Variants in TRMT61A observed in about 807,000 individuals in gnomAD.
TRMT61A encodes tRNA (adenine(58)-N(1))-methyltransferase catalytic subunit TRMT61A.
In TRMT61A, 15 loss-of-function variants were observed where a neutral mutation model predicts 21.3. The observed-to-expected ratio is 0.70, with a 90% confidence interval of 0.47 to 1.08. The LOEUF (loss-of-function observed/expected upper bound fraction) is 1.08, where lower values mean the gene tolerates loss of function less well. Among genes scored for constraint, TRMT61A ranks in the 50% least tolerant of loss-of-function variants. TRMT61A has a pLI of 0.00. For missense variants in TRMT61A, 352 were observed against 426.7 expected (o/e 0.83, Z 1.54); for synonymous variants, 183 against 185.5 (o/e 0.99, Z 0.11).
chr14:103,529,859 G>T, intron 1 of TRMT61A, 91 bp from the exon 2 acceptor site: 1 of 961,384 alleles, frequency 1.0e-6, no homozygotes, highest in Non-Finnish European at 1.5e-6. Context: ...CATGCCCACT[G>T]CTGGGATGTA....
rs2142242654 is a variant in TRMT61A at position 103,535,991 on chromosome 14, A to T, written c.*1170A>T. 1 of 153,036 alleles carries T rather than the reference A, an allele frequency of 6.5e-6. No homozygotes were observed. Among genetic ancestry groups the T allele is most frequent in the African/African-American group, 2.4e-5 (1 of 41,552 alleles). The allele number at this position is 153,036 out of a possible 1,614,324, so 9.5% of individuals were successfully genotyped here. The stretch of plus-strand genomic sequence containing the variant: ...TGCTGGGGGCCTTGAGTGCTATGCT[A>T]GCAGGGGCCTGGCCCCAAGTGTGAG... On this transcript the variant is annotated 3_prime_UTR_variant, in exon 4 of 4. Coordinates refer to ENST00000389749, the MANE Select transcript of TRMT61A (RefSeq NM_152307.3).
At chr14:103,534,091 G>A (rs898648949) in intron 3 of TRMT61A, among the ~76,000 whole-genome samples, 1 of 152,196 alleles carries the variant, frequency 6.6e-6, no homozygotes, top group East Asian at 1.9e-4. Flanking sequence ...TGTCATGCTC[G>A]GGCTCTGCTT....
chr14:103,535,002 G>A lies in TRMT61A; in HGVS notation c.*181G>A. The A allele has an allele frequency of 1.3e-6, 1 of 795,422 alleles. No individual in the cohort carries two copies. The highest frequency in any genetic ancestry group is 2.1e-6 in the Non-Finnish European group (1 of 470,690). 49.3% of individuals were successfully genotyped at this position (795,422 alleles called of 1,614,324 possible). A position where few individuals can be genotyped will look rare whatever the true frequency, so the allele number is the denominator to read the frequency against. On this transcript the variant is annotated 3_prime_UTR_variant, in exon 4 of 4. Coordinates refer to ENST00000389749, the MANE Select transcript of TRMT61A (RefSeq NM_152307.3). Reference sequence around the variant, plus strand: ...GCGGCTGTGATGGAGGAGCAGTGCTGGGGCTGGGCCTCAGCCATTCCTGTC... The same window carrying A: ...GCGGCTGTGATGGAGGAGCAGTGCTAGGGCTGGGCCTCAGCCATTCCTGTC...
At chr14:103,530,366 A>C in intron 2 of TRMT61A, 57 bp downstream of exon 2, 1 of 1,440,614 alleles carries the variant, frequency 6.9e-7, no homozygotes, top group Non-Finnish European at 9.5e-7. Context: ...GGTGGAGGTC[A>C]GAGCCTCCAG....
intron 2 of TRMT61A, among the ~76,000 whole-genome samples, chr14:103,532,157 G>A (rs1181797798): frequency 6.6e-6 from 1 of 152,110 alleles, no homozygotes. Context: ...ACTGTTGACG[G>A]GGATTGAGGA....
In TRMT61A at chr14:103,530,009, A is replaced by G; in HGVS notation, c.31A>G (p.Lys11Glu). The change falls in exon 2 of 4, where the codon AAG (lysine) becomes GAG (glutamate). Residue 11 changes from lysine (K) to glutamate (E), a missense_variant. By Grantham distance (56) the Lys-to-Glu change is moderately conservative. Coordinates refer to ENST00000389749, the MANE Select transcript of TRMT61A (RefSeq NM_152307.3). The stretch of plus-strand genomic sequence containing the variant: ...CTTCGTGGCATACGAGGAGCTGATC[A>G]AGGAGGGTGACACGGCCATCCTGTC... Reference protein sequence around the residue: MSFVAYEELIKEGDTAILSLG... With the variant: MSFVAYEELIEEGDTAILSLG... The G allele has an allele frequency of 6.2e-7, 1 of 1,611,430 alleles. No homozygotes were observed. Among genetic ancestry groups the G allele is most frequent in the Non-Finnish European group, 8.5e-7 (1 of 1,178,864 alleles).
In TRMT61A at chr14:103,531,096, C is replaced by G. The variant is rs576302610; in HGVS notation, c.331+787C>G. 1.3e-5 allele frequency among the ~76,000 whole-genome samples: 2 copies of G among 152,290 alleles called. No homozygotes were observed. The highest frequency in any genetic ancestry group is 4.8e-5 in the African/African-American group (2 of 41,562). On this transcript the variant is annotated intron_variant, in intron 2 of 3. Coordinates refer to ENST00000389749, the MANE Select transcript of TRMT61A (RefSeq NM_152307.3). This position sits in a 1 kb window ranked among gnomAD's most constrained non-coding sequence, Gnocchi z 5.1. ...CCTGTGGTGGGTGCTGGCCTCTCCG[C>G]CCCTGCCCCACTCTCGCGAGAGAGC...
At position 103,534,617 on chromosome 14, in the gene TRMT61A, G is replaced by T; in HGVS notation, c.666G>T (p.Ala222=). The T allele has an allele frequency of 6.2e-7, 1 of 1,606,712 alleles. No individual in the cohort carries two copies. The change falls in exon 4 of 4, where the codon GCG becomes GCT. Residue 222 remains alanine, a synonymous_variant. Coordinates refer to ENST00000389749, the MANE Select transcript of TRMT61A (RefSeq NM_152307.3). ...AACGCACATGCCAGGCGCTGGCAGC[G>T]CGCGGCTTCTCAGAGCTGAGCACCC... The part of the protein sequence containing the change: ...QVQRTCQALA[A]RGFSELSTLE...
At chr14:103,529,514 G>A (rs1238302890) in intron 1 of TRMT61A, among the ~76,000 whole-genome samples, 1 of 152,260 alleles carries the variant, frequency 6.6e-6, no homozygotes, top group Non-Finnish European at 1.5e-5. Context: ...ACTGGGGTGA[G>A]GAATCAAGCC....
intron 3 of TRMT61A, among the ~76,000 whole-genome samples, 169 bp downstream of exon 3, chr14:103,533,017 G>A (rs2075960139): frequency 6.6e-6 from 1 of 152,252 alleles, no homozygotes; most frequent in African/African-American, 2.4e-5. Flanking sequence ...GCTGGCCAGG[G>A]GAGGCAGAGC....
intron 3 of TRMT61A, 51 bp downstream of exon 3, chr14:103,532,899 G>A (rs2075959767): frequency 1.3e-6 from 2 of 1,500,930 alleles, no homozygotes; most frequent in African/African-American, 1.4e-5. Flanking sequence ...GTGGGGCAAG[G>A]GTGCAGGACT....
Position 103,534,512 on chromosome 14 carries a change from A to G in TRMT61A, c.599-38A>G, listed in dbSNP as rs748679952. ...AGGGCCAGACGGGCCAGGCTCTGCC[A>G]CCCCTGCCCTCTGACCCTCGGGTCC... On this transcript the variant is annotated intron_variant, in intron 3 of 3. Coordinates refer to ENST00000389749, the MANE Select transcript of TRMT61A (RefSeq NM_152307.3). 2.0e-6 allele frequency: 3 copies of G among 1,523,258 alleles called. No homozygotes were observed. The African/African-American group carries it at 4.2e-5, about 21-fold the overall frequency. 94.4% of individuals were successfully genotyped at this position (1,523,258 alleles called of 1,614,324 possible).
rs1237466501 is a variant in TRMT61A at position 103,536,617 on chromosome 14, C to T, written c.*1796C>T. On this transcript the variant is annotated 3_prime_UTR_variant, in exon 4 of 4. Transcript: ENST00000389749. The stretch of plus-strand genomic sequence containing the variant: ...GTCATGAACTGGGTGACGCACACCC[C>T]TGAGATCTCAGTTCCCCCAAGCCTG... 6.6e-6 allele frequency: 1 copy of T among 152,328 alleles called. No individual in the cohort carries two copies. The highest frequency in any genetic ancestry group is 2.4e-5 in the African/African-American group (1 of 41,454). The allele number at this position is 152,328 out of a possible 1,614,324, so 9.4% of individuals were successfully genotyped here. A position where few individuals can be genotyped will look rare whatever the true frequency, so the allele number is the denominator to read the frequency against.
rs2075966915 is a variant in TRMT61A, at chr14:103,534,694, C to T, written c.743C>T (p.Pro248Leu). The T allele has an allele frequency of 6.2e-7, 1 of 1,608,538 alleles. No homozygotes were observed. The highest frequency in any genetic ancestry group is 8.5e-7 in the Non-Finnish European group (1 of 1,179,470). ...GTGCGCACTGTCAGCCTGCCACCGC[C>T]CGACCTGGGCACAGGCACAGATGGC... ...YNVRTVSLPPPDLGTGTDGPA... is the reference protein window; with the variant it reads ...YNVRTVSLPPLDLGTGTDGPA... The change falls in exon 4 of 4, where the codon CCC becomes CTC. Residue 248 changes from proline to leucine, a missense_variant. Pro to Leu is a moderately conservative substitution (Grantham distance 98). Coordinates refer to ENST00000389749, the MANE Select transcript of TRMT61A (RefSeq NM_152307.3).
intron 2 of TRMT61A, among the ~76,000 whole-genome samples, chr14:103,530,660 A>G (rs1323788908): frequency 1.3e-5 from 2 of 152,170 alleles, no homozygotes; most frequent in Non-Finnish European, 2.9e-5. Flanking sequence ...TGAAGCAGAG[A>G]GAGTTGCCCC....
chr14:103,532,346 C>T (rs749334931), intron 2 of TRMT61A, among the ~76,000 whole-genome samples: 8 of 152,186 alleles, frequency 5.3e-5, no homozygotes, highest in Admixed American at 2.6e-4. Flanking sequence ...ACAGACAGCA[C>T]GGCATACACA....
At chr14:103,534,095 TCTGCTTCGAGTAGGCGC>T (rs2075964469) in intron 3 of TRMT61A, among the ~76,000 whole-genome samples, 1 of 152,180 alleles carries the variant, frequency 6.6e-6, no homozygotes, top group African/African-American at 2.4e-5. Flanking sequence ...ATGCTCGGGC[TCTGCTTCGAGTAGGCGC>T]CTCCTGTTCC....
intron 2 of TRMT61A, among the ~76,000 whole-genome samples, chr14:103,532,215 C>T (rs1390082877): frequency 6.6e-6 from 1 of 152,116 alleles, no homozygotes; most frequent in Non-Finnish European, 1.5e-5. Context: ...GATGGGATGG[C>T]CTCCCTGTCC....
rs1053406431 is a variant in TRMT61A, at chr14:103,536,970, C to CCCCA, written c.*2152_*2155dup. ...TGACCTTGAGCCTCCAGGCATCCACCCCCACCGTATGGCCCTCTAGACCCA... is the reference window on the plus strand; with the variant it reads ...TGACCTTGAGCCTCCAGGCATCCACCCCCACCCACCGTATGGCCCTCTAGACCCA... On this transcript the variant is annotated 3_prime_UTR_variant, in exon 4 of 4. Coordinates refer to ENST00000389749, the MANE Select transcript of TRMT61A (RefSeq NM_152307.3). 1.3e-5 allele frequency: 2 copies of CCCCA among 151,826 alleles called. No individual in the cohort carries two copies. Among genetic ancestry groups the CCCCA allele is most frequent in the Admixed American group, 6.5e-5 (1 of 15,282 alleles). 9.4% of individuals were successfully genotyped at this position (151,826 alleles called of 1,614,324 possible).
Sources: allele counts gnomAD v4.1 joint callset (sites outside exome capture counted in the v4.1 genomes callset), GRCh38; gene constraint gnomAD v4.1.1; non-coding constraint Gnocchi (gnomAD v3.1); transcripts MANE v1.5; gene names NCBI Gene and HGNC (gene_info 2026-07-23, HGNC 2026-07-21).